Variants in SEC11A observed in about 807,000 individuals in gnomAD.
SEC11A encodes the protein signal peptidase complex catalytic subunit SEC11A.
SEC11A carries 14 observed loss-of-function variants against 25.6 expected under a neutral mutation model. That is an observed-to-expected ratio of 0.55 (90% CI 0.36 to 0.85). The LOEUF (loss-of-function observed/expected upper bound fraction) is 0.85, where lower values mean the gene tolerates loss of function less well. Among genes scored for constraint, SEC11A ranks in the 40% least tolerant of loss-of-function variants. The pLI is 0.01. For missense variants in SEC11A, 153 were observed against 222.9 expected (o/e 0.69, Z 2.00); for synonymous variants, 83 against 76.4 (o/e 1.09, Z -0.45).
At chr15:84,708,562 A>G (rs1214297570) in intron 1 of SEC11A, among the ~76,000 whole-genome samples, 1 of 152,092 alleles carries the variant, frequency 6.6e-6, no homozygotes, top group Non-Finnish European at 1.5e-5. Flanking sequence ...AAAAAAAAGT[A>G]TCAAAGATAC....
At chr15:84,700,984 C>CAAAAAAAAAAAAAAAAAA in intron 1 of SEC11A, among the ~76,000 whole-genome samples, 1 of 78,034 alleles carries the variant, frequency 1.3e-5, no homozygotes, top group Non-Finnish European at 2.3e-5. Flanking sequence ...AACTCCATAT[C>CAAAAAAAAAAAAAAAAAA]AAAAAAAAAA....
intron 1 of SEC11A, among the ~76,000 whole-genome samples, chr15:84,715,591 T>C (rs1898435531): frequency 1.3e-5 from 2 of 152,126 alleles, no homozygotes; most frequent in African/African-American, 4.8e-5. Flanking sequence ...GCAAAACGGT[T>C]TTTGTGGGGC....
At chr15:84,677,113 C>T (rs544336539) in intron 4 of SEC11A, among the ~76,000 whole-genome samples, 72 of 151,890 alleles carry the variant, frequency 4.7e-4, no homozygotes, top group African/African-American at 1.6e-3. Flanking sequence ...AGCATGAAGA[C>T]GTATGTACTA....
chr15:84,705,319 T>C (rs1185964746), intron 1 of SEC11A, among the ~76,000 whole-genome samples: 1 of 152,196 alleles, frequency 6.6e-6, no homozygotes, highest in Non-Finnish European at 1.5e-5. Flanking sequence ...ACTGCTACAG[T>C]TACTGTCTTC....
At chr15:84,684,768 C>G (rs532884988) in intron 3 of SEC11A, among the ~76,000 whole-genome samples, 10 of 152,058 alleles carry the variant, frequency 6.6e-5, no homozygotes, top group African/African-American at 2.4e-4. Context: ...CCTGCCTCTA[C>G]TAAAAATACA....
At chr15:84,686,231 T>C (rs751439063) in intron 3 of SEC11A, among the ~76,000 whole-genome samples, 2 of 152,248 alleles carry the variant, frequency 1.3e-5, no homozygotes, top group African/African-American at 4.8e-5. Flanking sequence ...CATATCTTTA[T>C]TTCACCAATG....
At position 84,711,341 on chromosome 15, in the gene SEC11A, C is replaced by T. The variant is rs962071556; in HGVS notation, c.51+4684G>A. Among the ~76,000 whole-genome samples the T allele has an allele frequency of 4.6e-5, 7 of 151,806 alleles. 2 individuals carry two copies. The highest frequency in any genetic ancestry group is 1.3e-4 in the Admixed American group (2 of 15,206). On this transcript the variant is annotated intron_variant, in intron 1 of 5. Coordinates refer to ENST00000268220, the MANE Select transcript of SEC11A (RefSeq NM_014300.4). The stretch of plus-strand genomic sequence containing the variant: ...AGGTTGCAGGGAGCCAAGATCCTGC[C>T]GCTGTACTCCAGCCTGGTCAACAGA...
chr15:84,696,197 A>C (rs1307742676), intron 1 of SEC11A, among the ~76,000 whole-genome samples: 1 of 152,204 alleles, frequency 6.6e-6, no homozygotes, highest in Non-Finnish European at 1.5e-5. Flanking sequence ...AGGCACAGAG[A>C]AGCTAAGCGA....
Position 84,707,475 on chromosome 15 carries a change from T to C in SEC11A, c.51+8550A>G, listed in dbSNP as rs188698029. 6.6e-4 allele frequency among the ~76,000 whole-genome samples: 101 copies of C among 152,276 alleles called. 1 individual carries two copies. The highest frequency in any genetic ancestry group is 2.2e-3 in the African/African-American group (92 of 41,566). ...CTGGGATTATAGGCGTGAACCACCG[T>C]GCCCGGCTGAGGTTTTATTACTATA... On this transcript the variant is annotated intron_variant, in intron 1 of 5. Coordinates refer to ENST00000268220, the MANE Select transcript of SEC11A (RefSeq NM_014300.4).
At chr15:84,683,005 G>T (rs111646641) in intron 3 of SEC11A, among the ~76,000 whole-genome samples, 2 of 152,138 alleles carry the variant, frequency 1.3e-5, no homozygotes, top group African/African-American at 4.8e-5. Context: ...ATCTGCAGAG[G>T]AAACTAAATT....
intron 1 of SEC11A, among the ~76,000 whole-genome samples, chr15:84,694,897 C>T (rs1017856260): frequency 6.6e-6 from 1 of 151,284 alleles, no homozygotes; most frequent in Non-Finnish European, 1.5e-5. Flanking sequence ...TAAGACCAGC[C>T]TGGCCAACAT....
intron 1 of SEC11A, chr15:84,691,883 C>G (rs997242819): frequency 3.1e-5 from 10 of 323,746 alleles, no homozygotes; most frequent in East Asian, 2.7e-4. Context: ...TTATATAACA[C>G]CATATTATTT....
Position 84,670,781 on chromosome 15 carries a change from A to C in SEC11A, c.433T>G (p.Phe145Val). ...KKDVVGRARG[F>V]VPYIGIVTIL... Reference sequence around the variant, plus strand: ...GTCACAATTCCAATATAAGGAACAAATCTAAAACAAACAAAAAACTGATTA... The same window carrying C: ...GTCACAATTCCAATATAAGGAACAACTCTAAAACAAACAAAAAACTGATTA... The change falls in exon 5 of 6, where the codon TTT becomes GTT. Residue 145 changes from phenylalanine to valine, a missense_variant and splice_region_variant. Physicochemically the swap from Phe to Val is conservative, Grantham distance 50 (BLOSUM62 -1). Coordinates refer to ENST00000268220, the MANE Select transcript of SEC11A (RefSeq NM_014300.4). 1 of 1,432,332 alleles carries C rather than the reference A, an allele frequency of 7.0e-7. No homozygotes were observed. The allele number at this position is 1,432,332 out of a possible 1,614,324, so 88.7% of individuals were successfully genotyped here.
At chr15:84,671,706 T>TC (rs1225093601) in intron 4 of SEC11A, 1 of 152,184 alleles carries the variant, frequency 6.6e-6, no homozygotes, top group African/African-American at 2.4e-5. Flanking sequence ...CCTATCTTGT[T>TC]CCCCCTGTAT....
chr15:84,690,296 G>A (rs938157108), intron 2 of SEC11A, among the ~76,000 whole-genome samples: 21 of 152,114 alleles, frequency 1.4e-4, no homozygotes, highest in Admixed American at 1.3e-3. Flanking sequence ...CTTGTCTGCC[G>A]CCATGTGAGA....
intron 4 of SEC11A, among the ~76,000 whole-genome samples, chr15:84,678,039 T>C (rs1399221946): frequency 3.3e-5 from 5 of 151,938 alleles, no homozygotes; most frequent in African/African-American, 1.2e-4. Context: ...CTACTAAAAA[T>C]ATAAAAAATT....
chr15:84,680,047 A>G, intron 4 of SEC11A: 1 of 939,962 alleles, frequency 1.1e-6, no homozygotes, highest in East Asian at 2.6e-5. Flanking sequence ...ATTATGGATT[A>G]AATTAACATG....
intron 1 of SEC11A, among the ~76,000 whole-genome samples, chr15:84,695,226 G>A (rs1897733270): frequency 6.6e-6 from 1 of 151,670 alleles, no homozygotes; most frequent in South Asian, 2.1e-4. Flanking sequence ...ACTTTGGGAG[G>A]CCAAGGCGAG....
At chr15:84,685,793 ATTTC>A (rs1323078903) in intron 3 of SEC11A, 1 of 129,928 alleles carries the variant, frequency 7.7e-6, no homozygotes, top group Non-Finnish European at 1.6e-5. Context: ...TCCAAAATAA[ATTTC>A]TTTTTTTTTT....
Sources: allele counts gnomAD v4.1 joint callset (sites outside exome capture counted in the v4.1 genomes callset), GRCh38; gene constraint gnomAD v4.1.1; transcripts MANE v1.5; gene names NCBI Gene and HGNC (gene_info 2026-07-23, HGNC 2026-07-21).